MEGF11: variants seen among roughly 807,000 people sequenced by gnomAD.
The protein encoded by MEGF11 is multiple EGF like domains 11, also known as multiple epidermal growth factor-like domains protein 11.
MEGF11 carries 126 observed loss-of-function variants against 146.6 expected under a neutral mutation model. That is an observed-to-expected ratio of 0.86 (90% CI 0.74 to 1.00). MEGF11 has a LOEUF of 1.00. Ranked by LOEUF, MEGF11 falls within the 50% of genes least tolerant of loss-of-function variation. The pLI, the probability that MEGF11 is intolerant of heterozygous loss-of-function variation, is 0.00. For missense variants in MEGF11, 1,509 were observed against 1,521.2 expected (o/e 0.99, Z 0.13); for synonymous variants, 532 against 583.4 (o/e 0.91, Z 1.27).
At chr15:66,016,889 T>G (rs1175137742) in intron 5 of MEGF11, among the ~76,000 whole-genome samples, 12 of 152,166 alleles carry the variant, frequency 7.9e-5, no homozygotes, top group Admixed American at 6.5e-4. Flanking sequence ...TTCCCAAAGG[T>G]GGCCTAACTT....
chr15:65,957,558 G>C lies in MEGF11; in HGVS notation c.1276C>G (p.Pro426Ala). Residue 426 changes from proline to alanine, a missense_variant, in exon 10 of 26, where the codon CCG becomes GCG. Physicochemically the swap from Pro to Ala is conservative, Grantham distance 27. Transcript: ENST00000395614. Reference protein sequence around the residue: ...HSITGGCTCAPGFMGEVCAVS... With the variant: ...HSITGGCTCAAGFMGEVCAVS... ...CCCTCCCATCTTACCATGAAGCCCG[G>C]AGCACAAGTGCAGCCCCCAGTGATG... 6.2e-7 allele frequency: 1 copy of C among 1,613,402 alleles called. No homozygotes were observed. Among genetic ancestry groups the C allele is most frequent in the East Asian group, 2.2e-5 (1 of 44,874 alleles).
At chr15:66,237,149 T>G (rs2092111937) in intron 1 of MEGF11, among the ~76,000 whole-genome samples, 1 of 152,298 alleles carries the variant, frequency 6.6e-6, no homozygotes, top group East Asian at 1.9e-4. Flanking sequence ...GACCACGTTA[T>G]CTTCATTCCC....
At chr15:66,069,722 T>C (rs1282729824) in intron 5 of MEGF11, among the ~76,000 whole-genome samples, 1 of 152,174 alleles carries the variant, frequency 6.6e-6, no homozygotes, top group East Asian at 1.9e-4. Flanking sequence ...GCATTGAATA[T>C]TTTCCATAGA....
At chr15:66,099,189 C>A (rs1380845584) in intron 4 of MEGF11, among the ~76,000 whole-genome samples, 2 of 148,112 alleles carry the variant, frequency 1.4e-5, no homozygotes, top group Non-Finnish European at 3.0e-5. Context: ...CCCATCCCTC[C>A]CACCCCTCCT....
intron 1 of MEGF11, among the ~76,000 whole-genome samples, chr15:66,214,467 C>T (rs1173277775): frequency 6.6e-6 from 1 of 152,138 alleles, no homozygotes; most frequent in East Asian, 1.9e-4. Flanking sequence ...TGGGAGGTCT[C>T]GGGCAGGGGG....
chr15:65,920,720 T>C (rs1385652904), intron 15 of MEGF11, among the ~76,000 whole-genome samples: 1 of 152,272 alleles, frequency 6.6e-6, no homozygotes, highest in Non-Finnish European at 1.5e-5. Context: ...GTAAGCAGTG[T>C]CTGTAATTTG....
chr15:65,983,716 C>T (rs900099037), intron 5 of MEGF11, among the ~76,000 whole-genome samples: 12 of 152,208 alleles, frequency 7.9e-5, no homozygotes, highest in Admixed American at 2.6e-4. Context: ...CTGGAGTGGC[C>T]GGTCACCGAG....
Position 65,916,825 on chromosome 15 carries a change from T to C in MEGF11, c.2215+3A>G. On this transcript the variant is annotated splice_donor_region_variant and intron_variant, in intron 17 of 25. Coordinates refer to ENST00000395614, the MANE Select transcript of MEGF11 (RefSeq NM_001385028.1). ...GGCTGGGAGGCCAGGAGGTGGGGCT[T>C]ACGCTGTGTGCAGAAGAGTCCAGTC... The C allele has an allele frequency of 6.2e-7, 1 of 1,610,952 alleles. No individual in the cohort carries two copies.
intron 8 of MEGF11, among the ~76,000 whole-genome samples, chr15:65,969,515 A>G (rs1187388949): frequency 6.6e-6 from 1 of 152,134 alleles, no homozygotes; most frequent in Non-Finnish European, 1.5e-5. Flanking sequence ...TCTGGCTTAA[A>G]AGACTTCCAG....
intron 1 of MEGF11, among the ~76,000 whole-genome samples, chr15:66,187,693 C>A (rs1190522756): frequency 1.6e-5 from 1 of 64,342 alleles, no homozygotes. Flanking sequence ...GAGAAAAATG[C>A]CAAAATTGGC....
At position 65,982,109 on chromosome 15, in the gene MEGF11, G is replaced by T; in HGVS notation, c.641+133C>A. On this transcript the variant is annotated intron_variant, in intron 6 of 25. Transcript: ENST00000395614. This position sits in a 1 kb window ranked among gnomAD's most constrained non-coding sequence, Gnocchi z 5.6. ...ACCCACAAGGAGCCCAGGGCTGGGC[G>T]TGCAGCTGCGGTGAGGGCAGCCACT... 2 of 1,233,124 alleles carry T rather than the reference G, an allele frequency of 1.6e-6. No homozygotes were observed. Among genetic ancestry groups the T allele is most frequent in the Non-Finnish European group, 2.2e-6 (2 of 925,930 alleles). The allele number at this position is 1,233,124 out of a possible 1,614,324, so 76.4% of individuals were successfully genotyped here.
At chr15:66,204,808 A>C (rs2091258480) in intron 1 of MEGF11, among the ~76,000 whole-genome samples, 1 of 152,168 alleles carries the variant, frequency 6.6e-6, no homozygotes, top group Non-Finnish European at 1.5e-5. Context: ...ACTTCCAGAG[A>C]GATAAAGTAA....
intron 1 of MEGF11, among the ~76,000 whole-genome samples, chr15:66,151,360 G>A (rs746960527): frequency 9.2e-5 from 14 of 152,266 alleles, no homozygotes; most frequent in Admixed American, 7.8e-4. Flanking sequence ...GAGCCACCTC[G>A]GGGGGAATTT....
Position 65,928,430 on chromosome 15 carries a change from C to T in MEGF11, c.1670G>A (p.Trp557Ter), listed in dbSNP as rs779777646. 5.5e-5 allele frequency: 87 copies of T among 1,589,282 alleles called. 1 individual carries two copies. The highest frequency in any genetic ancestry group is 7.0e-5 in the Non-Finnish European group (81 of 1,164,446). Residue 557 changes from tryptophan to a stop codon, truncating the protein, a stop_gained, in exon 13 of 26, where the codon TGG becomes TAG. Transcript: ENST00000395614. LOFTEE classifies it high-confidence loss of function. Reference protein sequence around the residue: ...VTGHCCCLAGWTGIRCDSTCP... With the variant: ...VTGHCCCLAG ...GCACAGCAAGGGAAGGTTACCTGTC[C>T]ATCCGGCCAGGCAGCAGCAGTGGCC...
At chr15:66,191,662 G>A (rs1010537013) in intron 1 of MEGF11, among the ~76,000 whole-genome samples, 13 of 152,216 alleles carry the variant, frequency 8.5e-5, no homozygotes, top group African/African-American at 3.1e-4. Flanking sequence ...AGCGGCCTCA[G>A]AGCAAGCCAT....
intron 8 of MEGF11, chr15:65,965,351 A>G (rs1417504895): frequency 1.3e-5 from 6 of 460,410 alleles, no homozygotes; most frequent in African/African-American, 1.2e-4. Context: ...CCCAGCAATG[A>G]GTTTGTACCA....
At chr15:66,004,092 TA>T (rs2082449142) in intron 5 of MEGF11, among the ~76,000 whole-genome samples, 1 of 152,084 alleles carries the variant, frequency 6.6e-6, no homozygotes, top group Non-Finnish European at 1.5e-5. Flanking sequence ...GGGAGAGAGC[TA>T]AAAAGTCAGA....
At chr15:66,233,726 G>C (rs1174388996) in intron 1 of MEGF11, among the ~76,000 whole-genome samples, 1 of 152,120 alleles carries the variant, frequency 6.6e-6, no homozygotes, top group African/African-American at 2.4e-5. Context: ...GCATGACCCA[G>C]TGAATCTTCC....
chr15:66,189,864 G>A (rs1032529822), intron 1 of MEGF11, among the ~76,000 whole-genome samples: 7 of 152,026 alleles, frequency 4.6e-5, no homozygotes, highest in African/African-American at 1.2e-4. Context: ...GAAAGCAATC[G>A]TATTCTTCTC....
Sources: gnomAD v4.1 joint callset for allele counts (sites outside exome capture counted in the v4.1 genomes callset) on GRCh38, gnomAD v4.1.1 for gene constraint, Gnocchi (gnomAD v3.1) non-coding constraint, MANE v1.5 for transcripts, NCBI Gene and HGNC (gene_info 2026-07-23, HGNC 2026-07-21) for gene names.